Variants in USH2A observed in about 807,000 individuals in gnomAD.
USH2A encodes Usher syndrome 2A (autosomal recessive, mild).
In USH2A, 443 loss-of-function variants were observed where a neutral mutation model predicts 538.9. The observed-to-expected ratio is 0.82, with a 90% CI of 0.76 to 0.89. The LOEUF is 0.89. USH2A is among the 40% of genes least tolerant of loss of function. The probability of loss-of-function intolerance (pLI) is 0.00; values close to 1 mark genes in which losing one functional copy is unlikely to be tolerated. For synonymous variants in USH2A, 2,413 were observed against 2,273.5 expected (o/e 1.06, Z -1.75); for missense variants, 6,633 against 6,324.8 (o/e 1.05, Z -1.65).
At chr1:215,841,716 G>A (rs939645803) in intron 46 of USH2A, among the ~76,000 whole-genome samples, 1 of 152,160 alleles carries the variant, frequency 6.6e-6, no homozygotes, top group African/African-American at 2.4e-5. Context: ...AAACTAAAGA[G>A]CTTCTGCATA....
chr1:216,056,456 A>G (rs1305438799), intron 30 of USH2A, among the ~76,000 whole-genome samples: 1 of 152,212 alleles, frequency 6.6e-6, no homozygotes, highest in African/African-American at 2.4e-5. Context: ...TCAAGTCCAG[A>G]CAGCTAAAAA....
At chr1:216,260,805 G>A (rs2036355543) in intron 11 of USH2A, among the ~76,000 whole-genome samples, 1 of 152,088 alleles carries the variant, frequency 6.6e-6, no homozygotes, top group Non-Finnish European at 1.5e-5. Context: ...AGACATGAAA[G>A]GATTAAGTGA....
At chr1:216,394,720 CTTTT>C (rs780581599) in intron 3 of USH2A, among the ~76,000 whole-genome samples, 4 of 120,324 alleles carry the variant, frequency 3.3e-5, no homozygotes, top group African/African-American at 6.0e-5. Flanking sequence ...CTGGTCCAGT[CTTTT>C]TTTTTTTTTT....
At chr1:215,894,469 C>T (rs1177450840) in intron 40 of USH2A, among the ~76,000 whole-genome samples, 2 of 152,108 alleles carry the variant, frequency 1.3e-5, no homozygotes, top group Non-Finnish European at 2.9e-5. Context: ...CCACATGTTT[C>T]CTTCCTCTTC....
Position 215,900,244 on chromosome 1 carries a change from G to T in USH2A, c.7452-27C>A, listed in dbSNP as rs773951313. 1.2e-5 allele frequency: 20 copies of T among 1,612,184 alleles called. No individual in the cohort carries two copies. In the South Asian group the frequency reaches 2.2e-4, roughly 18 times the overall value. ...TGTATGGGAAATAAATGTCAATTAG[G>T]AAGTTTTCGACATTCAAAGAAATAA... On this transcript the variant is annotated intron_variant, in intron 39 of 71. Coordinates refer to ENST00000307340, the MANE Select transcript of USH2A (RefSeq NM_206933.4).
chr1:215,866,942 G>A, intron 44 of USH2A, 65 bp downstream of exon 44: 4 of 1,608,300 alleles, frequency 2.5e-6, no homozygotes, highest in Non-Finnish European at 3.4e-6. Context: ...GAGGTTCATA[G>A]TAAAGAAAGA....
intron 37 of USH2A, among the ~76,000 whole-genome samples, chr1:215,953,184 C>T (rs373138883): frequency 0.031 from 4,749 of 151,732 alleles, 110 homozygotes; most frequent in South Asian, 0.08. Context: ...AAGCTACCAA[C>T]GACTTTCTTC....
intron 35 of USH2A, among the ~76,000 whole-genome samples, chr1:215,987,881 A>G (rs1667908804): frequency 6.6e-6 from 1 of 152,138 alleles, no homozygotes; most frequent in South Asian, 2.1e-4. Flanking sequence ...GTATGAGCTC[A>G]CCCTTGTTTA....
At chr1:215,758,887 C>T in intron 57 of USH2A, 135 bp from the exon 58 acceptor site, 1 of 921,594 alleles carries the variant, frequency 1.1e-6, no homozygotes, top group Non-Finnish European at 1.7e-6. Flanking sequence ...TTTCCAGAAA[C>T]TTGACTTGGT....
In USH2A at chr1:216,279,182, T is replaced by A. The variant is rs1049794494; in HGVS notation, c.1971+10098A>T. Among the ~76,000 whole-genome samples, 5 of 152,350 alleles carry A rather than the reference T, an allele frequency of 3.3e-5. No homozygotes were observed. In the East Asian group the frequency reaches 9.6e-4, roughly 29 times the overall value. ...CAATCTGCTATTCTCTCTTTTTATA[T>A]AATTACAACTATATTTTTGGTTTTC... On this transcript the variant is annotated intron_variant, in intron 11 of 71. Transcript: ENST00000307340.
intron 21 of USH2A, among the ~76,000 whole-genome samples, chr1:216,164,979 T>C (rs1351906070): frequency 6.6e-6 from 1 of 152,084 alleles, no homozygotes; most frequent in Non-Finnish European, 1.5e-5. Flanking sequence ...CACCAGCATG[T>C]TGGGGAGCCA....
chr1:216,126,063 A>C (rs1260356184), intron 21 of USH2A, among the ~76,000 whole-genome samples: 1 of 152,220 alleles, frequency 6.6e-6, no homozygotes, highest in African/African-American at 2.4e-5. Flanking sequence ...ATGCAGTGCA[A>C]GAATTAAAAA....
Position 216,086,735 on chromosome 1 carries a change from G to T in USH2A, c.4971C>A (p.Ile1657=), listed in dbSNP as rs756177409. The T allele has an allele frequency of 2.5e-6, 4 of 1,612,538 alleles. No individual in the cohort carries two copies. Among genetic ancestry groups the T allele is most frequent in the South Asian group, 2.2e-5 (2 of 91,036 alleles). ...TAAACTCACCAGGATCCTTCCTGAG[G>T]ATGGTATAACTTCGCGGGAGCCCTC... ...FLGGLPRSYT[I]LRKDPEIIQK... The change falls in exon 24 of 72, where the codon ATC becomes ATA. Residue 1657 remains isoleucine, a synonymous_variant. Transcript: ENST00000307340.
At chr1:215,891,159 C>A (rs1353642423) in intron 40 of USH2A, among the ~76,000 whole-genome samples, 1 of 152,058 alleles carries the variant, frequency 6.6e-6, no homozygotes, top group Non-Finnish European at 1.5e-5. Flanking sequence ...CACTTCAAAC[C>A]CCCACAATAC....
chr1:216,077,241 A>G (rs1008597411), intron 27 of USH2A, among the ~76,000 whole-genome samples: 2 of 152,174 alleles, frequency 1.3e-5, no homozygotes, highest in African/African-American at 4.8e-5. Context: ...TTCTCTGATT[A>G]CATTCAAACG....
intron 22 of USH2A, among the ~76,000 whole-genome samples, chr1:216,095,470 T>C (rs1375990051): frequency 6.6e-6 from 1 of 152,218 alleles, no homozygotes; most frequent in East Asian, 1.9e-4. Flanking sequence ...CTGCGATAGC[T>C]GCTGCTTCTT....
intron 11 of USH2A, among the ~76,000 whole-genome samples, chr1:216,276,920 G>A (rs1001876787): frequency 3.3e-5 from 5 of 151,960 alleles, no homozygotes; most frequent in African/African-American, 7.3e-5. Flanking sequence ...ATTTGGGTAG[G>A]GACACAGCCA....
chr1:215,911,863 AGCTTTTGT>A (rs1441945756), intron 38 of USH2A, among the ~76,000 whole-genome samples: 1 of 152,046 alleles, frequency 6.6e-6, no homozygotes, highest in Non-Finnish European at 1.5e-5. Flanking sequence ...CATCCTTGAC[AGCTTTTGT>A]TATTTATTGC....
chr1:215,965,110 G>A (rs555318486), intron 37 of USH2A, among the ~76,000 whole-genome samples: 2 of 152,180 alleles, frequency 1.3e-5, no homozygotes, highest in East Asian at 1.9e-4. Flanking sequence ...ATTTCTAAGC[G>A]TTCATCAGAT....
Sources: allele counts gnomAD v4.1 joint callset (sites outside exome capture counted in the v4.1 genomes callset), GRCh38; gene constraint gnomAD v4.1.1; transcripts MANE v1.5; gene names NCBI Gene and HGNC (gene_info 2026-07-23, HGNC 2026-07-21).